The following IMMP2L variants were observed in gnomAD, a reference collection of about 807,000 sequenced individuals.
IMMP2L encodes the protein mitochondrial inner membrane protease subunit 2.
Under a neutral mutation model 19.3 loss-of-function variants are expected in IMMP2L, and 18 were observed. The ratio of observed to expected loss-of-function variants is 0.93; its 90% CI spans 0.64 to 1.38. IMMP2L has a LOEUF of 1.38. Among genes scored for constraint, IMMP2L ranks in the 40% most tolerant of loss-of-function variants. The pLI is 0.00. For synonymous variants in IMMP2L, 76 were observed against 73.0 expected, an observed-to-expected ratio of 1.04 and a Z score of -0.21; for missense variants, 233 against 218.2, an observed-to-expected ratio of 1.07 and a Z score of -0.43.
chr7:110,907,006 A>G (rs771261062), intron 4 of IMMP2L, among the ~76,000 whole-genome samples: 1 of 150,860 alleles, frequency 6.6e-6, no homozygotes, highest in Non-Finnish European at 1.5e-5. Flanking sequence ...GGGTGCCAGC[A>G]GGAGCAAAAC....
rs571443563 is a variant in IMMP2L, at chr7:110,963,553, G to A, written c.252C>T (p.Asn84=). 6.9e-6 allele frequency: 11 copies of A among 1,591,672 alleles called. No individual in the cohort carries two copies. In the Admixed American group the frequency reaches 1.9e-4, roughly 27 times the overall value. The change falls in exon 4 of 6, where the codon AAC becomes AAT. Residue 84 remains asparagine, a synonymous_variant. Transcript: ENST00000405709. ...GDIVSLVSPK[N]PEQKIIKRVI... ...CTCTCTTAATGATCTTCTGTTCTGG[G>A]TTTTTAGGAGACCTAGAACAAGAAG... is the stretch of plus-strand genomic sequence containing the variant.
At chr7:111,409,382 T>C (rs947417468) in intron 3 of IMMP2L, among the ~76,000 whole-genome samples, 3 of 151,700 alleles carry the variant, frequency 2.0e-5, no homozygotes, top group Admixed American at 6.6e-5. Flanking sequence ...ATGGATAACA[T>C]ATAACCATGA....
At chr7:110,934,436 A>G (rs1170655963) in intron 4 of IMMP2L, among the ~76,000 whole-genome samples, 2 of 151,796 alleles carry the variant, frequency 1.3e-5, no homozygotes, top group Non-Finnish European at 2.9e-5. Context: ...ACAGTGGGAG[A>G]TGTTTCCAAT....
chr7:111,471,543 C>T (rs1012128341), intron 3 of IMMP2L, among the ~76,000 whole-genome samples: 1 of 151,740 alleles, frequency 6.6e-6, no homozygotes, highest in Admixed American at 6.6e-5. Context: ...ATTTTTAAGA[C>T]CTTATTTCGA....
intron 3 of IMMP2L, among the ~76,000 whole-genome samples, chr7:111,371,764 G>A (rs1830279070): frequency 6.6e-6 from 1 of 152,026 alleles, no homozygotes; most frequent in African/African-American, 2.4e-5. Flanking sequence ...AAGGTGTGAA[G>A]AGGTGGGTGT....
chr7:110,832,904 G>C (rs1804096198), intron 5 of IMMP2L, among the ~76,000 whole-genome samples: 1 of 152,178 alleles, frequency 6.6e-6, no homozygotes. Flanking sequence ...AGGCCAGTAG[G>C]AGAAAGGATT....
chr7:111,472,982 A>G (rs1330129417), intron 3 of IMMP2L, among the ~76,000 whole-genome samples: 1 of 152,190 alleles, frequency 6.6e-6, no homozygotes, highest in Non-Finnish European at 1.5e-5. Flanking sequence ...AATAGTGCTG[A>G]TAAAAATGAA....
chr7:111,169,178 G>A (rs761347117), intron 3 of IMMP2L, among the ~76,000 whole-genome samples: 11 of 151,858 alleles, frequency 7.2e-5, no homozygotes, highest in Non-Finnish European at 1.3e-4. Context: ...ATTGTGACCT[G>A]ACCAAAGAAA....
chr7:110,715,329 AT>A (rs1449592994), intron 5 of IMMP2L, among the ~76,000 whole-genome samples: 2 of 151,374 alleles, frequency 1.3e-5, no homozygotes, highest in Non-Finnish European at 2.9e-5. Flanking sequence ...GTTTGTTCTT[AT>A]TTTTCTAGTT....
chr7:110,800,691 C>A (rs776470443), intron 5 of IMMP2L, among the ~76,000 whole-genome samples: 2 of 152,044 alleles, frequency 1.3e-5, no homozygotes, highest in African/African-American at 4.8e-5. Context: ...ATTATCACAG[C>A]ATTTTTATTC....
chr7:110,856,115 C>T (rs905330077), intron 5 of IMMP2L, among the ~76,000 whole-genome samples: 4 of 151,930 alleles, frequency 2.6e-5, no homozygotes, highest in African/African-American at 7.2e-5. Flanking sequence ...TGGCTAAATG[C>T]ACTTTCTTCC....
intron 3 of IMMP2L, among the ~76,000 whole-genome samples, chr7:111,168,530 C>A (rs1806086273): frequency 6.6e-6 from 1 of 151,772 alleles, no homozygotes; most frequent in African/African-American, 2.4e-5. Flanking sequence ...TTTTTGGGGG[C>A]AAATATACAC....
chr7:111,375,077 TCAGA>T, intron 3 of IMMP2L, among the ~76,000 whole-genome samples: 1 of 152,044 alleles, frequency 6.6e-6, no homozygotes, highest in South Asian at 2.1e-4. Flanking sequence ...TAGGAGGTGC[TCAGA>T]AAGAGAGTCT....
intron 3 of IMMP2L, among the ~76,000 whole-genome samples, chr7:111,058,228 TCAAAGA>T (rs1400952443): frequency 6.6e-6 from 1 of 152,102 alleles, no homozygotes; most frequent in African/African-American, 2.4e-5. Flanking sequence ...GTCATCCCAC[TCAAAGA>T]CAATCTATTA....
chr7:111,130,572 T>C (rs1279780588), intron 3 of IMMP2L, among the ~76,000 whole-genome samples: 3 of 152,108 alleles, frequency 2.0e-5, no homozygotes, highest in Non-Finnish European at 4.4e-5. Flanking sequence ...TACCAGACTC[T>C]GGAACAAATA....
chr7:111,186,043 A>G (rs1808229073), intron 3 of IMMP2L, among the ~76,000 whole-genome samples: 1 of 152,206 alleles, frequency 6.6e-6, no homozygotes, highest in East Asian at 1.9e-4. Flanking sequence ...TGAAGAAACA[A>G]ATATATAATA....
At chr7:110,799,892 G>A (rs1562983420) in intron 5 of IMMP2L, among the ~76,000 whole-genome samples, 1 of 152,008 alleles carries the variant, frequency 6.6e-6, no homozygotes. Context: ...CAGTGATGTA[G>A]GCCTGTCCAG....
rs113285155 is a variant in IMMP2L at position 111,020,628 on chromosome 7, A to G, written c.240-57063T>C. 6.1e-4 allele frequency among the ~76,000 whole-genome samples: 92 copies of G among 151,970 alleles called. 1 individual carries two copies. Among genetic ancestry groups the G allele is most frequent in the African/African-American group, 2.1e-3 (87 of 41,452 alleles). ...AACACAAAATTTAGCAGGGTGTGGT[A>G]GCATGTGCCTGTAGTTCCAGCTACT... is the stretch of plus-strand genomic sequence containing the variant. On this transcript the variant is annotated intron_variant, in intron 3 of 5. Coordinates refer to ENST00000405709, the MANE Select transcript of IMMP2L (RefSeq NM_032549.4).
chr7:111,326,420 A>C (rs1825322847), intron 3 of IMMP2L, among the ~76,000 whole-genome samples: 2 of 151,954 alleles, frequency 1.3e-5, no homozygotes, highest in South Asian at 2.1e-4. Flanking sequence ...ATGGGCATGC[A>C]TTCTCCCTCC....
Sources: gnomAD v4.1 joint callset for allele counts (sites outside exome capture counted in the v4.1 genomes callset) on GRCh38, gnomAD v4.1.1 for gene constraint, MANE v1.5 for transcripts, NCBI Gene and HGNC (gene_info 2026-07-23, HGNC 2026-07-21) for gene names.